Variants in CYSLTR1 observed in about 807,000 individuals in gnomAD.
CYSLTR1 encodes cysteinyl leukotriene receptor 1.
CYSLTR1 carries 1 observed loss-of-function variant against 2.1 expected under a neutral mutation model. The observed-to-expected ratio is 0.48, with a 90% CI of 0.17 to 2.28. CYSLTR1 has a LOEUF of 2.28. CYSLTR1 is among the 30% of genes most tolerant of loss of function. The pLI, the probability that CYSLTR1 is intolerant of heterozygous loss-of-function variation, is 0.26. For missense variants in CYSLTR1, 299 were observed against 250.1 expected (o/e 1.20, Z -1.32); for synonymous variants, 110 against 89.6 (o/e 1.23, Z -1.28).
At chrX:78,283,618 T>C (rs1218972864) in intron 1 of CYSLTR1, 78 bp from the exon 2 acceptor site, 1 of 112,031 alleles carries the variant, frequency 8.9e-6, no homozygotes, top group Non-Finnish European at 1.9e-5. Flanking sequence ...AGCAGCCTTA[T>C]GTATAGATCC....
At position 78,273,718 on chromosome X, in the gene CYSLTR1, G is replaced by A; in HGVS notation, c.29C>T (p.Ser10Phe). Residue 10 changes from serine (S) to phenylalanine (F), a missense_variant, in exon 3 of 3, where the codon TCT becomes TTT. Physicochemically the swap from Ser to Phe is radical, Grantham distance 155. Transcript: ENST00000373304. The part of the protein sequence containing the change: MDETGNLTV[S>F]SATCHDTIDD... ...AATAGTGTCATGGCATGTGGCAGAA[G>A]ATACTGTCAGATTTCCTGTTTCATC... 2 of 1,198,947 alleles carry A rather than the reference G, an allele frequency of 1.7e-6. No homozygotes were observed. The highest frequency in any genetic ancestry group is 2.3e-6 in the Non-Finnish European group (2 of 886,675).
intron 1 of CYSLTR1, chrX:78,320,635 C>A (rs773784854): frequency 1.1e-3 from 120 of 111,500 alleles, no homozygotes; most frequent in African/African-American, 3.7e-3. Flanking sequence ...TAGTTGTTTC[C>A]AATTCTGTGA....
At chrX:78,320,106 T>G (rs773847220) in intron 1 of CYSLTR1, 1 of 112,344 alleles carries the variant, frequency 8.9e-6, no homozygotes, top group East Asian at 2.8e-4. Context: ...AGAAGCTCTT[T>G]AGTTTAATTA....
intron 2 of CYSLTR1, among the ~76,000 whole-genome samples, chrX:78,275,324 C>A (rs1921532909): frequency 8.9e-6 from 1 of 111,736 alleles, no homozygotes; most frequent in Admixed American, 9.5e-5. Flanking sequence ...GACTTGGAAC[C>A]AAACCAAATG....
intron 1 of CYSLTR1, among the ~76,000 whole-genome samples, chrX:78,294,427 C>T (rs1035731181): frequency 2.7e-5 from 3 of 112,852 alleles, no homozygotes; most frequent in South Asian, 7.3e-4. Flanking sequence ...TTAGTCTACA[C>T]GGGGTTCAGG....
intron 1 of CYSLTR1, among the ~76,000 whole-genome samples, chrX:78,302,360 AG>A (rs1051536407): frequency 1.8e-5 from 2 of 111,629 alleles, no homozygotes; most frequent in African/African-American, 6.5e-5. Flanking sequence ...CCAAGAGCCA[AG>A]TTTTGTAATC....
At chrX:78,273,831 T>A (rs959227676) in intron 2 of CYSLTR1, 58 bp from the exon 3 acceptor site, 26 of 976,583 alleles carry the variant, frequency 2.7e-5, no homozygotes, top group Non-Finnish European at 3.6e-5. Flanking sequence ...CAGGAAGTAC[T>A]AATGTTTTAT....
intron 1 of CYSLTR1, among the ~76,000 whole-genome samples, chrX:78,315,049 A>G: frequency 9.6e-6 from 1 of 104,529 alleles, no homozygotes; most frequent in Middle Eastern, 4.7e-3. Context: ...AGTGGGGAGG[A>G]CTTTATCTTG....
At chrX:78,308,348 C>T (rs1281560274) in intron 1 of CYSLTR1, among the ~76,000 whole-genome samples, 1 of 111,738 alleles carries the variant, frequency 8.9e-6, no homozygotes, top group Non-Finnish European at 1.9e-5. Context: ...ATGGTTTTGT[C>T]ATAAATAAAA....
intron 1 of CYSLTR1, among the ~76,000 whole-genome samples, chrX:78,303,897 T>C (rs1922927252): frequency 8.9e-6 from 1 of 111,840 alleles, no homozygotes; most frequent in Non-Finnish European, 1.9e-5. Flanking sequence ...CTGAAGTCCC[T>C]TCTAACCTAC....
chrX:78,281,156 G>C (rs190866944), intron 2 of CYSLTR1, among the ~76,000 whole-genome samples: 3 of 111,011 alleles, frequency 2.7e-5, no homozygotes. Context: ...TTGAGGAATT[G>C]CCACACTACT....
At chrX:78,297,231 A>T (rs1396321252) in intron 1 of CYSLTR1, among the ~76,000 whole-genome samples, 3 of 112,083 alleles carry the variant, frequency 2.7e-5, no homozygotes, top group African/African-American at 9.7e-5. Flanking sequence ...AATTCCAGGG[A>T]TAAATCCCAC....
intron 1 of CYSLTR1, among the ~76,000 whole-genome samples, chrX:78,316,251 G>A (rs1298210825): frequency 8.9e-6 from 1 of 112,190 alleles, no homozygotes; most frequent in East Asian, 2.8e-4. Context: ...GGGCCTTTGG[G>A]GAACGCACCC....
At chrX:78,275,916 A>G (rs1045841817) in intron 2 of CYSLTR1, among the ~76,000 whole-genome samples, 2 of 111,736 alleles carry the variant, frequency 1.8e-5, no homozygotes, top group Admixed American at 9.5e-5. Context: ...ACTCCATGGT[A>G]AGAGAAACCT....
chrX:78,296,066 AT>A (rs1922561026), intron 1 of CYSLTR1, among the ~76,000 whole-genome samples: 1 of 111,325 alleles, frequency 9.0e-6, no homozygotes, highest in African/African-American at 3.3e-5. Flanking sequence ...TTTTGATTTG[AT>A]TTTTGTATAT....
At chrX:78,326,745 C>T (rs1487755756) in intron 1 of CYSLTR1, among the ~76,000 whole-genome samples, 3 of 111,681 alleles carry the variant, frequency 2.7e-5, no homozygotes, top group African/African-American at 6.5e-5. Context: ...TCTAGTTGTA[C>T]GGTGTGTTTC....
At chrX:78,296,880 ATTTC>A (rs1922597435) in intron 1 of CYSLTR1, among the ~76,000 whole-genome samples, 2 of 111,029 alleles carry the variant, frequency 1.8e-5, no homozygotes, top group African/African-American at 6.5e-5. Context: ...GATGTTCTTT[ATTTC>A]TTTTTCTTTT....
rs757304171 is a variant in CYSLTR1, at chrX:78,284,965, AT to A, written c.-114-1426del. Among the ~76,000 whole-genome samples the A allele has an allele frequency of 2.7e-5, 3 of 111,115 alleles. No homozygotes were observed. The Admixed American group carries it at 2.9e-4, about 11-fold the overall frequency. ...TTTTCTCTAGGTAAGAAGTTGACATATGTAACCTACTACAGTCTGGGTAAAG... is the reference window on the plus strand; with the variant it reads ...TTTTCTCTAGGTAAGAAGTTGACATAGTAACCTACTACAGTCTGGGTAAAG... On this transcript the variant is annotated intron_variant, in intron 1 of 2. Coordinates refer to ENST00000373304, the MANE Select transcript of CYSLTR1 (RefSeq NM_006639.4).
At chrX:78,315,218 C>T (rs773835835) in intron 1 of CYSLTR1, among the ~76,000 whole-genome samples, 3 of 108,525 alleles carry the variant, frequency 2.8e-5, no homozygotes, top group East Asian at 2.9e-4. Flanking sequence ...CACTCATCAC[C>T]GGCCAACTGA....
Sources: gnomAD v4.1 joint callset for allele counts (sites outside exome capture counted in the v4.1 genomes callset) on GRCh38, gnomAD v4.1.1 for gene constraint, MANE v1.5 for transcripts, NCBI Gene and HGNC (gene_info 2026-07-23, HGNC 2026-07-21) for gene names.